The following TBC1D4 variants were observed in gnomAD, a reference collection of about 807,000 sequenced individuals.
TBC1D4 encodes the protein TBC1 domain family member 4.
In TBC1D4, 121 loss-of-function variants were observed where a neutral mutation model predicts 142.5. That is an observed-to-expected ratio of 0.85 (90% CI 0.73 to 0.99). The LOEUF is 0.99. Ranked by LOEUF, TBC1D4 falls within the 50% of genes least tolerant of loss-of-function variation. The pLI is 0.00. For synonymous variants in TBC1D4, 630 were observed against 628.2 expected (o/e 1.00, Z -0.04); for missense variants, 1,475 against 1,606.6 (o/e 0.92, Z 1.40).
chr13:75,425,286 G>A (rs572512865), intron 1 of TBC1D4, among the ~76,000 whole-genome samples: 10 of 152,178 alleles, frequency 6.6e-5, no homozygotes, highest in South Asian at 6.2e-4. Flanking sequence ...AAACCACAAC[G>A]CCTCACACCT....
intron 1 of TBC1D4, among the ~76,000 whole-genome samples, chr13:75,369,551 A>G (rs1883112868): frequency 6.6e-6 from 1 of 152,154 alleles, no homozygotes; most frequent in Admixed American, 6.5e-5. Context: ...TTTAAAAGGA[A>G]GCAGTCCATA....
intron 1 of TBC1D4, among the ~76,000 whole-genome samples, chr13:75,462,169 A>ATAT (rs1360717998): frequency 6.6e-6 from 1 of 152,158 alleles, no homozygotes; most frequent in African/African-American, 2.4e-5. Context: ...CACCATTATT[A>ATAT]TATTATTATT....
chr13:75,375,015 T>G (rs558419602), intron 1 of TBC1D4, among the ~76,000 whole-genome samples: 88 of 152,196 alleles, frequency 5.8e-4, no homozygotes, highest in African/African-American at 2.0e-3. Context: ...CAGTGACAGG[T>G]AAAGAGGTGC....
chr13:75,434,147 A>G (rs1328256688), intron 1 of TBC1D4, among the ~76,000 whole-genome samples: 1 of 152,178 alleles, frequency 6.6e-6, no homozygotes, highest in Non-Finnish European at 1.5e-5. Flanking sequence ...CAACTCAGCA[A>G]TCCCACTACT....
intron 1 of TBC1D4, among the ~76,000 whole-genome samples, chr13:75,424,256 G>C (rs1268171433): frequency 8.4e-6 from 1 of 119,568 alleles, no homozygotes; most frequent in Non-Finnish European, 1.7e-5. Flanking sequence ...CTAGGTAACA[G>C]AGTAAAACCC....
intron 17 of TBC1D4, 96 bp from the exon 18 acceptor site, chr13:75,295,109 A>G (rs1875772469): frequency 8.8e-7 from 1 of 1,142,752 alleles, no homozygotes; most frequent in Non-Finnish European, 1.3e-6. Flanking sequence ...TTTAATAACA[A>G]ATTCACATAT....
chr13:75,362,076 T>G lies in TBC1D4; in HGVS notation c.1030A>C (p.Ser344Arg). ...QPRRRHASAP[S>R]HVQPSDSEKN... ...TCCGAGTCCGAGGGCTGGACGTGAC[T>G]GGGTGCGCTCGCGTGTCTCCGTCGC... Residue 344 changes from serine to arginine, a missense_variant, in exon 2 of 21, where the codon AGT (serine) becomes CGT (arginine). Physicochemically the swap from Ser to Arg is moderately radical, Grantham distance 110 (BLOSUM62 -1). This residue lies in a region of TBC1D4 where 1,227 missense variants were observed against 1,267.7 expected (regional missense o/e 0.97). Coordinates refer to ENST00000377636, the MANE Select transcript of TBC1D4 (RefSeq NM_014832.5). This position sits in a 1 kb window ranked among gnomAD's most constrained non-coding sequence, Gnocchi z 4.2. 6.2e-7 allele frequency: 1 copy of G among 1,614,066 alleles called. No individual in the cohort carries two copies.
intron 5 of TBC1D4, among the ~76,000 whole-genome samples, chr13:75,343,951 A>T (rs1177516010): frequency 6.6e-6 from 1 of 151,868 alleles, no homozygotes; most frequent in African/African-American, 2.4e-5. Context: ...AGTGATTCTC[A>T]TGCCTCAACC....
intron 1 of TBC1D4, among the ~76,000 whole-genome samples, chr13:75,381,280 T>C (rs187792265): frequency 4.6e-4 from 70 of 152,270 alleles, no homozygotes; most frequent in African/African-American, 1.6e-3. Context: ...CAAACACCAG[T>C]CCTTCCTCAC....
chr13:75,350,107 G>C (rs1566411233), intron 4 of TBC1D4, among the ~76,000 whole-genome samples: 1 of 152,056 alleles, frequency 6.6e-6, no homozygotes, highest in African/African-American at 2.4e-5. Flanking sequence ...TCCTTTTCTG[G>C]AAACAATCAC....
At chr13:75,334,344 C>A (rs1593745069) in intron 8 of TBC1D4, among the ~76,000 whole-genome samples, 2 of 152,058 alleles carry the variant, frequency 1.3e-5, no homozygotes, top group East Asian at 1.9e-4. Context: ...ACTTTTCCTG[C>A]AGTACTGAAA....
At chr13:75,371,570 A>C (rs1883224798) in intron 1 of TBC1D4, among the ~76,000 whole-genome samples, 1 of 152,206 alleles carries the variant, frequency 6.6e-6, no homozygotes, top group Admixed American at 6.5e-5. Context: ...ACAGAATATT[A>C]AGCATCAACA....
chr13:75,402,094 A>C (rs1205927093), intron 1 of TBC1D4, among the ~76,000 whole-genome samples: 1 of 152,122 alleles, frequency 6.6e-6, no homozygotes, highest in African/African-American at 2.4e-5. Context: ...ACCACCCACC[A>C]AGGGTGCCCT....
intron 1 of TBC1D4, among the ~76,000 whole-genome samples, chr13:75,448,832 C>A (rs1887409336): frequency 6.6e-6 from 1 of 151,762 alleles, no homozygotes; most frequent in South Asian, 2.1e-4. Flanking sequence ...AATATACTTC[C>A]CCAGGTCATG....
At chr13:75,466,402 G>C (rs1166739349) in intron 1 of TBC1D4, among the ~76,000 whole-genome samples, 1 of 151,760 alleles carries the variant, frequency 6.6e-6, no homozygotes, top group East Asian at 1.9e-4. Flanking sequence ...GTCTAAAGCA[G>C]AAAATATACA....
intron 1 of TBC1D4, among the ~76,000 whole-genome samples, chr13:75,459,194 C>T (rs73221949): frequency 5.3e-4 from 80 of 152,298 alleles, no homozygotes; most frequent in Non-Finnish European, 8.2e-4. Context: ...AATGCCTTAG[C>T]TTCAAGGTCG....
At chr13:75,302,601 T>C in intron 15 of TBC1D4, 200 bp from the exon 16 acceptor site, 3 of 625,534 alleles carry the variant, frequency 4.8e-6, no homozygotes, top group Admixed American at 2.7e-5. Context: ...AAGAAAACCC[T>C]CACGCAACAC....
In TBC1D4 at chr13:75,303,968, C is replaced by T. The variant is rs552445222; in HGVS notation, c.2753-1567G>A. Among the ~76,000 whole-genome samples the T allele has an allele frequency of 1.2e-4, 19 of 152,260 alleles. No homozygotes were observed. The East Asian group carries it at 3.1e-3, about 25-fold the overall frequency. Reference sequence around the variant, plus strand: ...TCTTTTGAAGCTCTCCCTAACATCTCGAGATGTAATCAGTCCCTTTTCACA... The same window carrying T: ...TCTTTTGAAGCTCTCCCTAACATCTTGAGATGTAATCAGTCCCTTTTCACA... On this transcript the variant is annotated intron_variant, in intron 15 of 20. Transcript: ENST00000377636.
chr13:75,460,154 TAAA>T (rs71756436), intron 1 of TBC1D4, among the ~76,000 whole-genome samples: 13 of 149,472 alleles, frequency 8.7e-5, no homozygotes, highest in African/African-American at 3.2e-4. Flanking sequence ...AAAATAAAAA[TAAA>T]AAAAAAAAAT....
Sources: gnomAD v4.1 joint callset for allele counts (sites outside exome capture counted in the v4.1 genomes callset) on GRCh38, gnomAD v4.1.1 for gene constraint, gnomAD v4.1.1 regional missense constraint, Gnocchi (gnomAD v3.1) non-coding constraint, MANE v1.5 for transcripts, NCBI Gene and HGNC (gene_info 2026-07-23, HGNC 2026-07-21) for gene names.